LONRF3: variants seen among roughly 807,000 people sequenced by gnomAD.
The protein encoded by LONRF3 is LON peptidase N-terminal domain and ring finger 3, also known as LON peptidase N-terminal domain and RING finger protein 3.
Under a neutral mutation model 51.7 loss-of-function variants are expected in LONRF3, and 19 were observed. The observed-to-expected ratio is 0.37, with a 90% CI of 0.26 to 0.54. The LOEUF (loss-of-function observed/expected upper bound fraction) is 0.54. Among genes scored for constraint, LONRF3 ranks in the 20% least tolerant of loss-of-function variants. LONRF3 has a pLI of 0.86. For missense variants in LONRF3, 521 were observed against 623.9 expected (o/e 0.84, Z 1.76); for synonymous variants, 265 against 257.8 (o/e 1.03, Z -0.27).
At position 119,006,214 on chromosome X, in the gene LONRF3, G is replaced by A. The variant is rs1924690301; in HGVS notation, c.1509G>A (p.Leu503=). The change falls in exon 6 of 11, where the codon TTG becomes TTA. Residue 503 remains leucine, a synonymous_variant. Transcript: ENST00000371628. The part of the protein sequence containing the change: ...RCLDHNAKCP[L]CKDGLSQCLA... ...TAGATCACAACGCAAAGTGTCCATT[G>A]TGCAAAGACGGTCTTTCACAGGTAA... 1.7e-6 allele frequency: 2 copies of A among 1,168,481 alleles called. No homozygotes were observed. Among genetic ancestry groups the A allele is most frequent in the Non-Finnish European group, 2.3e-6 (2 of 863,998 alleles).
At chrX:118,992,779 C>G (rs1284823541) in intron 5 of LONRF3, among the ~76,000 whole-genome samples, 4 of 111,233 alleles carry the variant, frequency 3.6e-5, no homozygotes, top group East Asian at 5.6e-4. Context: ...GCACCCACCA[C>G]CACCTCCACC....
In LONRF3 at chrX:119,017,774, T is replaced by G; in HGVS notation, c.*84T>G. On this transcript the variant is annotated 3_prime_UTR_variant, in exon 11 of 11. Transcript: ENST00000371628. ...TTGTAAATATATCTAATTGCAATAA[T>G]ATCTTAACAGAAGGGGGTGTCAAAC... The G allele has an allele frequency of 1.1e-6, 1 of 910,435 alleles. No individual in the cohort carries two copies. Among genetic ancestry groups the G allele is most frequent in the South Asian group, 3.0e-5 (1 of 33,194 alleles). The allele number at this position is 910,435 out of a possible 1,213,427, so 75.0% of individuals were successfully genotyped here.
intron 3 of LONRF3, among the ~76,000 whole-genome samples, chrX:118,985,644 A>G (rs781774490): frequency 1.1e-4 from 12 of 111,933 alleles, no homozygotes; most frequent in Non-Finnish European, 1.5e-4. Context: ...AGAAAGGCTT[A>G]CATCTGTGAC....
At chrX:119,012,800 C>A in intron 8 of LONRF3, 1 of 799,933 alleles carries the variant, frequency 1.3e-6, no homozygotes, top group Non-Finnish European at 1.7e-6. Flanking sequence ...CAAACCATAG[C>A]ACTGGCACAG....
intron 7 of LONRF3, among the ~76,000 whole-genome samples, chrX:119,011,539 C>T (rs1354326812): frequency 8.9e-6 from 1 of 112,378 alleles, no homozygotes. Context: ...AGAACTTCTT[C>T]AGCCAAATTA....
rs751175464 is a variant in LONRF3, at chrX:118,975,284, C to T, written c.504C>T (p.Pro168=). 1 of 1,210,385 alleles carries T rather than the reference C, an allele frequency of 8.3e-7. No homozygotes were observed. The highest frequency in any genetic ancestry group is 1.7e-5 in the African/African-American group (1 of 57,934). ...AATGTCATGGGTTTCTATCAGACCC[C>T]GTGTCCTTGTCGTGTGGCCACACCT... ...CRKCHGFLSD[P]VSLSCGHTFC... is the part of the protein sequence containing the mutation. The change falls in exon 1 of 11, where the codon CCC becomes CCT. Residue 168 remains proline (P), a synonymous_variant. Coordinates refer to ENST00000371628, the MANE Select transcript of LONRF3 (RefSeq NM_001031855.3).
chrX:118,990,697 A>C, intron 5 of LONRF3, 137 bp downstream of exon 5: 1 of 486,923 alleles, frequency 2.1e-6, no homozygotes, highest in South Asian at 3.2e-5. Context: ...CACAACGTTG[A>C]TTGTCACATG....
At chrX:119,013,561 T>G (rs1276454612) in intron 9 of LONRF3, among the ~76,000 whole-genome samples, 2 of 111,848 alleles carry the variant, frequency 1.8e-5, no homozygotes, top group Admixed American at 9.5e-5. Context: ...TATTTTAAAC[T>G]TTTTTCTTTT....
At chrX:118,988,644 T>C (rs773264129) in intron 3 of LONRF3, among the ~76,000 whole-genome samples, 1 of 111,564 alleles carries the variant, frequency 9.0e-6, no homozygotes, top group African/African-American at 3.3e-5. Flanking sequence ...CTATGGACTA[T>C]GGGTTTAGAT....
chrX:119,002,794 T>C (rs1025913775), intron 5 of LONRF3, among the ~76,000 whole-genome samples: 2 of 110,897 alleles, frequency 1.8e-5, no homozygotes, highest in African/African-American at 6.6e-5. Flanking sequence ...CTTCTTCTTG[T>C]TTTTTTATTT....
At chrX:119,003,585 G>A (rs1490472103) in intron 5 of LONRF3, among the ~76,000 whole-genome samples, 2 of 112,090 alleles carry the variant, frequency 1.8e-5, no homozygotes, top group Non-Finnish European at 3.8e-5. Flanking sequence ...TCTGTTCCCC[G>A]AGTCTATTTG....
intron 5 of LONRF3, among the ~76,000 whole-genome samples, chrX:118,993,365 T>TA (rs1923573726): frequency 1.8e-5 from 2 of 111,417 alleles, no homozygotes; most frequent in Admixed American, 1.9e-4. Context: ...GACACTCTTT[T>TA]AAAAATGCAA....
intron 5 of LONRF3, among the ~76,000 whole-genome samples, chrX:119,004,422 G>T (rs1924561597): frequency 8.9e-6 from 1 of 112,284 alleles, no homozygotes; most frequent in Non-Finnish European, 1.9e-5. Context: ...CAATGTATGG[G>T]TTTTTTTGCT....
At position 119,012,082 on chromosome X, in the gene LONRF3, A is replaced by G. The variant is rs765304640; in HGVS notation, c.1811+109A>G. ...AGGCCTAGCTCATGAGGTTTAGCCA[A>G]CTGAAGAATATGAGCATTTGTAAGG... On this transcript the variant is annotated intron_variant, in intron 8 of 10. Coordinates refer to ENST00000371628, the MANE Select transcript of LONRF3 (RefSeq NM_001031855.3). 4 of 763,081 alleles carry G rather than the reference A, an allele frequency of 5.2e-6. No individual in the cohort carries two copies. The African/African-American group carries it at 8.4e-5, about 16-fold the overall frequency. 62.9% of individuals were successfully genotyped at this position (763,081 alleles called of 1,213,427 possible).
intron 5 of LONRF3, among the ~76,000 whole-genome samples, chrX:118,996,516 C>G (rs1430459993): frequency 9.0e-6 from 1 of 111,257 alleles, no homozygotes; most frequent in East Asian, 2.8e-4. Context: ...TTCTATACAC[C>G]AACAGTGACC....
At position 119,014,347 on chromosome X, in the gene LONRF3, C is replaced by T. The variant is rs756985755; in HGVS notation, c.2115C>T (p.Ala705=). The T allele has an allele frequency of 1.4e-5, 17 of 1,206,622 alleles. No individual in the cohort carries two copies. The highest frequency in any genetic ancestry group is 1.3e-4 in the Admixed American group (6 of 45,363). ...TTGGTCCCATGCCGGAGAAAGACGC[C>T]GATCCTCAGGTATAGAAAAATGTCT... The part of the protein sequence containing the change: ...NHFGPMPEKD[A]DPQMNPNGPA... Residue 705 remains alanine (A), a synonymous_variant, in exon 10 of 11, where the codon GCC becomes GCT. Transcript: ENST00000371628.
intron 5 of LONRF3, among the ~76,000 whole-genome samples, chrX:118,997,938 G>T (rs1923987239): frequency 8.9e-6 from 1 of 112,559 alleles, no homozygotes; most frequent in African/African-American, 3.2e-5. Flanking sequence ...CCTTACTCCT[G>T]TAAGAATGGC....
intron 5 of LONRF3, among the ~76,000 whole-genome samples, chrX:119,003,654 G>T (rs1924491344): frequency 8.9e-6 from 1 of 112,385 alleles, no homozygotes; most frequent in Non-Finnish European, 1.9e-5. Flanking sequence ...CTGTAATCTG[G>T]TAGAGTGAGT....
At chrX:119,009,684 C>T (rs1924970839) in intron 7 of LONRF3, among the ~76,000 whole-genome samples, 1 of 111,958 alleles carries the variant, frequency 8.9e-6, no homozygotes, top group African/African-American at 3.2e-5. Context: ...GTCTACTTCA[C>T]GACCCTAGGC....
Sources: gnomAD v4.1 joint callset for allele counts (sites outside exome capture counted in the v4.1 genomes callset) on GRCh38, gnomAD v4.1.1 for gene constraint, MANE v1.5 for transcripts, NCBI Gene and HGNC (gene_info 2026-07-23, HGNC 2026-07-21) for gene names.